Variants in DTNA observed in about 807,000 individuals in gnomAD.
DTNA encodes dystrophin-related protein 3.
DTNA carries 43 observed loss-of-function variants against 100.7 expected under a neutral mutation model. The ratio of observed to expected loss-of-function variants is 0.43; its 90% CI spans 0.33 to 0.55. The LOEUF (loss-of-function observed/expected upper bound fraction) is 0.55, where lower values mean the gene tolerates loss of function less well. Among genes scored for constraint, DTNA ranks in the 20% least tolerant of loss-of-function variants. The pLI is 0.04. For synonymous variants in DTNA, 349 were observed against 347.9 expected, an observed-to-expected ratio of 1.00 and a Z score of -0.04; for missense variants, 798 against 953.9, an observed-to-expected ratio of 0.84 and a Z score of 2.15.
chr18:34,571,492 T>G (rs1439129), intron 1 of DTNA, among the ~76,000 whole-genome samples: 39,380 of 151,820 alleles, frequency 0.26, 7,133 homozygotes, highest in African/African-American at 0.51. Context: ...TGTAATCCCA[T>G]CACTTTGGGA....
chr18:34,587,326 A>G (rs2049245281), intron 1 of DTNA, among the ~76,000 whole-genome samples: 1 of 152,114 alleles, frequency 6.6e-6, no homozygotes, highest in Admixed American at 6.5e-5. Flanking sequence ...TTAGGAGAAA[A>G]TCAAATGCTA....
chr18:34,867,372 A>C (rs1003692795), intron 17 of DTNA: 13 of 1,229,436 alleles, frequency 1.1e-5, no homozygotes, highest in Middle Eastern at 3.1e-4. Flanking sequence ...ACTTTACTAA[A>C]TTAAAGTCAA....
intron 5 of DTNA, among the ~76,000 whole-genome samples, chr18:34,808,251 G>C (rs1321659204): frequency 6.6e-6 from 1 of 152,110 alleles, no homozygotes; most frequent in Non-Finnish European, 1.5e-5. Context: ...GGTGTTTGCT[G>C]TCTTTCCACT....
intron 1 of DTNA, among the ~76,000 whole-genome samples, chr18:34,494,885 T>C (rs79435680): frequency 0.08 from 12,099 of 152,094 alleles, 1,047 homozygotes; most frequent in African/African-American, 0.22. Flanking sequence ...CTTTAAAAAA[T>C]AATGGTTTTT....
Position 34,888,006 on chromosome 18 carries a change from A to T in DTNA, c.*272A>T, listed in dbSNP as rs2096938063. 1 of 985,760 alleles carries T rather than the reference A, an allele frequency of 1.0e-6. No individual in the cohort carries two copies. Among genetic ancestry groups the T allele is most frequent in the Admixed American group, 6.1e-5 (1 of 16,266 alleles). 61.1% of individuals were successfully genotyped at this position (985,760 alleles called of 1,614,324 possible). A position where few individuals can be genotyped will look rare whatever the true frequency, so the allele number is the denominator to read the frequency against. On this transcript the variant is annotated 3_prime_UTR_variant, in exon 23 of 23. Transcript: ENST00000444659. ...TAGGTGTGTGTTTCAAGAAGGAAAA[A>T]AAAAGACTTCTGTTCAAAGTTAACT... is the stretch of plus-strand genomic sequence containing the variant.
intron 1 of DTNA, among the ~76,000 whole-genome samples, chr18:34,506,210 A>G (rs1284420510): frequency 2.2e-4 from 33 of 152,180 alleles, no homozygotes; most frequent in Admixed American, 2.2e-3. Context: ...GGTCTTAGTG[A>G]CAGTTCTGAC....
intron 21 of DTNA, among the ~76,000 whole-genome samples, chr18:34,883,573 G>T (rs987565345): frequency 6.6e-6 from 1 of 152,186 alleles, no homozygotes; most frequent in Non-Finnish European, 1.5e-5. Flanking sequence ...GCCTCCCAAA[G>T]TGTTGGGATT....
intron 1 of DTNA, among the ~76,000 whole-genome samples, chr18:34,638,401 T>C (rs1167869597): frequency 1.3e-5 from 2 of 152,228 alleles, no homozygotes; most frequent in Admixed American, 1.3e-4. Flanking sequence ...TGAGATACGA[T>C]ATTTAACTAA....
chr18:34,856,188 A>G (rs1162211093), intron 15 of DTNA, among the ~76,000 whole-genome samples: 2 of 152,188 alleles, frequency 1.3e-5, no homozygotes, highest in Non-Finnish European at 2.9e-5. Flanking sequence ...CCCATCTCTG[A>G]TGAGCAGCAA....
intron 1 of DTNA, among the ~76,000 whole-genome samples, chr18:34,720,152 G>A (rs1374332952): frequency 6.6e-6 from 1 of 152,102 alleles, no homozygotes; most frequent in Non-Finnish European, 1.5e-5. Context: ...GGGTCACAAA[G>A]TCAAAGTCAA....
intron 1 of DTNA, among the ~76,000 whole-genome samples, chr18:34,563,341 G>T (rs919774522): frequency 1.3e-5 from 2 of 152,200 alleles, no homozygotes; most frequent in African/African-American, 2.4e-5. Flanking sequence ...AGAGAGACAT[G>T]AACAGTTTCT....
At chr18:34,681,494 C>T (rs1414103050) in intron 1 of DTNA, among the ~76,000 whole-genome samples, 1 of 152,106 alleles carries the variant, frequency 6.6e-6, no homozygotes, top group East Asian at 1.9e-4. Flanking sequence ...CTCACGTGAG[C>T]TTCCAGTCAT....
intron 20 of DTNA, among the ~76,000 whole-genome samples, chr18:34,881,421 T>C (rs2096870707): frequency 6.7e-6 from 1 of 148,462 alleles, no homozygotes; most frequent in African/African-American, 2.5e-5. Context: ...GATAGTGGAA[T>C]TGGATAATTA....
intron 19 of DTNA, 152 bp downstream of exon 19, chr18:34,877,960 T>TG: frequency 1.7e-6 from 1 of 574,346 alleles, no homozygotes; most frequent in Admixed American, 3.6e-5. Flanking sequence ...ATTTGAGGGG[T>TG]TTTTTTTTTG....
At chr18:34,704,088 A>G (rs935679200) in intron 1 of DTNA, among the ~76,000 whole-genome samples, 3 of 152,108 alleles carry the variant, frequency 2.0e-5, no homozygotes, top group Non-Finnish European at 2.9e-5. Flanking sequence ...TTTTTTTATC[A>G]TAATGTCATC....
At chr18:34,714,480 A>G (rs1218613031) in intron 1 of DTNA, among the ~76,000 whole-genome samples, 1 of 150,134 alleles carries the variant, frequency 6.7e-6, no homozygotes, top group African/African-American at 2.5e-5. Flanking sequence ...AACACATGAA[A>G]AAATGCTCAC....
intron 13 of DTNA, among the ~76,000 whole-genome samples, chr18:34,845,646 G>C (rs752030400): frequency 7.2e-5 from 11 of 152,090 alleles, no homozygotes; most frequent in Non-Finnish European, 1.6e-4. Flanking sequence ...AAATTCAGTT[G>C]TCTCTTTGTG....
intron 3 of DTNA, among the ~76,000 whole-genome samples, chr18:34,788,470 AG>A (rs1487631521): frequency 6.6e-6 from 1 of 152,170 alleles, no homozygotes; most frequent in East Asian, 1.9e-4. Flanking sequence ...CTCATTTTAC[AG>A]GCGAGGAAAC....
At chr18:34,671,062 G>A (rs1397542639) in intron 1 of DTNA, among the ~76,000 whole-genome samples, 2 of 152,142 alleles carry the variant, frequency 1.3e-5, no homozygotes, top group Admixed American at 6.5e-5. Context: ...AGCTGTGGTG[G>A]GCTCCACCCA....
Sources: gnomAD v4.1 joint callset for allele counts (sites outside exome capture counted in the v4.1 genomes callset) on GRCh38, gnomAD v4.1.1 for gene constraint, MANE v1.5 for transcripts, NCBI Gene and HGNC (gene_info 2026-07-23, HGNC 2026-07-21) for gene names.